Variants in NBEA observed in about 807,000 individuals in gnomAD.
NBEA encodes neurobeachin, also known as lysosomal-trafficking regulator 2.
A neutral mutation model predicts 343.4 loss-of-function variants in NBEA; 44 were observed. The ratio of observed to expected loss-of-function variants is 0.13; its 90% CI spans 0.10 to 0.16. NBEA has a LOEUF of 0.16. NBEA is among the 10% of genes least tolerant of loss of function. NBEA has a pLI of 1.00. For missense variants in NBEA, 2,555 were observed against 3,631.3 expected (o/e 0.70, Z 7.62); for synonymous variants, 1,175 against 1,238.7 (o/e 0.95, Z 1.08).
chr13:35,076,600 G>A (rs1435061130), intron 10 of NBEA, among the ~76,000 whole-genome samples: 1 of 151,708 alleles, frequency 6.6e-6, no homozygotes, highest in African/African-American at 2.4e-5. Context: ...TTGTTACAAG[G>A]TTTATGCTTT....
At chr13:35,259,823 ATGG>A (rs1036902392) in intron 34 of NBEA, among the ~76,000 whole-genome samples, 1 of 152,166 alleles carries the variant, frequency 6.6e-6, no homozygotes, top group Non-Finnish European at 1.5e-5. Context: ...GGGTTCTCAA[ATGG>A]TCAAGATTTT....
chr13:35,340,417 G>A (rs1251020095), intron 36 of NBEA, among the ~76,000 whole-genome samples: 1 of 152,086 alleles, frequency 6.6e-6, no homozygotes, highest in Non-Finnish European at 1.5e-5. Flanking sequence ...GAAACTCACA[G>A]AGACAAAGTG....
chr13:35,644,572 C>T (rs1329155981), intron 49 of NBEA, among the ~76,000 whole-genome samples: 1 of 152,196 alleles, frequency 6.6e-6, no homozygotes, highest in African/African-American at 2.4e-5. Flanking sequence ...TCCTCGCCCC[C>T]ACTTGTGTCC....
At chr13:35,054,042 G>C (rs2063157532) in intron 6 of NBEA, among the ~76,000 whole-genome samples, 1 of 151,968 alleles carries the variant, frequency 6.6e-6, no homozygotes, top group Admixed American at 6.6e-5. Flanking sequence ...TTGTTTGAAT[G>C]AGTACTTTTT....
At chr13:35,534,647 C>A (rs2078439861) in intron 41 of NBEA, among the ~76,000 whole-genome samples, 1 of 152,112 alleles carries the variant, frequency 6.6e-6, no homozygotes, top group Non-Finnish European at 1.5e-5. Context: ...ACTTTACATA[C>A]CGTAGCTCAT....
chr13:35,261,581 G>A (rs2033222927), intron 34 of NBEA, among the ~76,000 whole-genome samples: 1 of 151,814 alleles, frequency 6.6e-6, no homozygotes, highest in Non-Finnish European at 1.5e-5. Flanking sequence ...GAAAGAAATG[G>A]AACTCTGGAA....
intron 34 of NBEA, among the ~76,000 whole-genome samples, chr13:35,276,469 T>C (rs933852435): frequency 1.5e-4 from 23 of 152,160 alleles, no homozygotes; most frequent in Non-Finnish European, 3.4e-4. Context: ...TTGGAGGGCA[T>C]ACATGTAACT....
chr13:35,515,559 T>C (rs895818415), intron 41 of NBEA, among the ~76,000 whole-genome samples: 2 of 152,174 alleles, frequency 1.3e-5, no homozygotes, highest in African/African-American at 2.4e-5. Context: ...ACCAAAATGG[T>C]TTTTTCCATG....
At chr13:35,216,059 G>A (rs2074046496) in intron 33 of NBEA, among the ~76,000 whole-genome samples, 1 of 151,090 alleles carries the variant, frequency 6.6e-6, no homozygotes, top group East Asian at 1.9e-4. Context: ...TTCAGATTTT[G>A]TTATTTTGTT....
At chr13:35,212,854 C>A (rs572149656) in intron 33 of NBEA, among the ~76,000 whole-genome samples, 1 of 151,934 alleles carries the variant, frequency 6.6e-6, no homozygotes, top group Admixed American at 6.6e-5. Context: ...AGTCTCTAGT[C>A]CATTTTTTTA....
At position 35,159,936 on chromosome 13, in the gene NBEA, T is replaced by C. The variant is rs376960668; in HGVS notation, c.3765T>C (p.Ile1255=). The C allele has an allele frequency of 3.1e-5, 50 of 1,593,834 alleles. No homozygotes were observed. The highest frequency in any genetic ancestry group is 4.1e-5 in the Non-Finnish European group (48 of 1,169,484). The stretch of plus-strand genomic sequence containing the variant: ...CTAGTAGCAAAATTGTACCAAATAT[T>C]GATGCAGGAAGTATAATTTCAGATA... ...ESSSSKIVPN[I]DAGSIISDTE... is the part of the protein sequence containing the mutation. The change falls in exon 22 of 59, where the codon ATT becomes ATC. Residue 1255 remains isoleucine, a synonymous_variant. Coordinates refer to ENST00000379939, the MANE Select transcript of NBEA (RefSeq NM_001385012.1).
chr13:35,318,094 C>T (rs1263142224), intron 36 of NBEA, among the ~76,000 whole-genome samples: 1 of 152,140 alleles, frequency 6.6e-6, no homozygotes, highest in East Asian at 1.9e-4. Flanking sequence ...CGCTTTATTT[C>T]TTTCTCTTGC....
intron 10 of NBEA, among the ~76,000 whole-genome samples, chr13:35,072,562 G>A (rs754540338): frequency 6.6e-6 from 1 of 150,714 alleles, no homozygotes; most frequent in Non-Finnish European, 1.5e-5. Flanking sequence ...TTGTTTGTTT[G>A]TTTATTTATT....
At chr13:35,349,606 T>G (rs1364292774) in intron 37 of NBEA, among the ~76,000 whole-genome samples, 1 of 142,742 alleles carries the variant, frequency 7.0e-6, no homozygotes, top group Non-Finnish European at 1.5e-5. Context: ...CAAAAAAATC[T>G]TTCAATTTCT....
chr13:35,029,814 A>G (rs1201793454), intron 1 of NBEA, among the ~76,000 whole-genome samples: 1 of 151,710 alleles, frequency 6.6e-6, no homozygotes, highest in Non-Finnish European at 1.5e-5. Context: ...TTTATTCAGT[A>G]AAGTTTATTT....
chr13:35,404,136 C>G (rs1384630178), intron 38 of NBEA, among the ~76,000 whole-genome samples: 1 of 152,140 alleles, frequency 6.6e-6, no homozygotes, highest in African/African-American at 2.4e-5. Context: ...GAAATAGGAA[C>G]ACTTTTACAC....
chr13:35,426,787 C>A (rs1594596836), intron 38 of NBEA, among the ~76,000 whole-genome samples: 1 of 152,174 alleles, frequency 6.6e-6, no homozygotes, highest in Admixed American at 6.5e-5. Flanking sequence ...GTACACCAAT[C>A]AGACATAGAT....
At chr13:35,423,072 C>T (rs1416302241) in intron 38 of NBEA, among the ~76,000 whole-genome samples, 11 of 152,076 alleles carry the variant, frequency 7.2e-5, no homozygotes, top group Non-Finnish European at 1.3e-4. Flanking sequence ...GAGTAGGTTG[C>T]AAAAATTTTC....
At chr13:35,288,189 T>C (rs1169182862) in intron 34 of NBEA, among the ~76,000 whole-genome samples, 1 of 151,940 alleles carries the variant, frequency 6.6e-6, no homozygotes, top group Non-Finnish European at 1.5e-5. Context: ...AGCTTAAGAG[T>C]TACTTATAGC....
Sources: allele counts gnomAD v4.1 joint callset (sites outside exome capture counted in the v4.1 genomes callset), GRCh38; gene constraint gnomAD v4.1.1; transcripts MANE v1.5; gene names NCBI Gene and HGNC (gene_info 2026-07-23, HGNC 2026-07-21).